The following CACNA2D4 variants were observed in gnomAD, a reference collection of about 807,000 sequenced individuals.
The protein encoded by CACNA2D4 is voltage-dependent calcium channel subunit alpha-2/delta-4.
In CACNA2D4, 157 loss-of-function variants were observed where a neutral mutation model predicts 163.8. The ratio of observed to expected loss-of-function variants is 0.96; its 90% CI spans 0.84 to 1.09. CACNA2D4 has a LOEUF of 1.09. Among genes scored for constraint, CACNA2D4 ranks in the 50% least tolerant of loss-of-function variants. The pLI is 0.00. For missense variants in CACNA2D4, 1,410 were observed against 1,479.9 expected (o/e 0.95, Z 0.78); for synonymous variants, 598 against 586.9 (o/e 1.02, Z -0.27).
rs139222170 is a variant in CACNA2D4, at chr12:1,843,358, T to A, written c.2470+1044A>T. ...GCTTGAGGATGGTTTGGCAAAGTGG[T>A]GGTGGAAGGCCTTTGGCAGAAGGGC... On this transcript the variant is annotated intron_variant, in intron 25 of 37. Coordinates refer to ENST00000382722, the MANE Select transcript of CACNA2D4 (RefSeq NM_172364.5). This position sits in a 1 kb window ranked among gnomAD's most constrained non-coding sequence, Gnocchi z 4.6. Among the ~76,000 whole-genome samples the A allele has an allele frequency of 6.6e-6, 1 of 152,236 alleles. No homozygotes were observed. The highest frequency in any genetic ancestry group is 1.9e-4 in the East Asian group (1 of 5,172).
intron 26 of CACNA2D4, chr12:1,830,963 T>A (rs1429024585): frequency 1.9e-6 from 3 of 1,612,288 alleles, no homozygotes; most frequent in Admixed American, 1.7e-5. Flanking sequence ...CCCTGTATGC[T>A]GTGGAGGCCC....
intron 29 of CACNA2D4, among the ~76,000 whole-genome samples, chr12:1,803,894 A>T (rs147315471): frequency 6.6e-6 from 1 of 152,324 alleles, no homozygotes; most frequent in Non-Finnish European, 1.5e-5. Context: ...GGTGGTGGAA[A>T]GGAGTGGCAA....
chr12:1,867,879 T>C (rs77215109), intron 18 of CACNA2D4, among the ~76,000 whole-genome samples: 546 of 152,236 alleles, frequency 3.6e-3, no homozygotes, highest in Non-Finnish European at 6.3e-3. Context: ...CTCAACATCA[T>C]TGATCATCAG....
At chr12:1,826,050 G>T (rs754289932) in intron 26 of CACNA2D4, among the ~76,000 whole-genome samples, 2 of 152,194 alleles carry the variant, frequency 1.3e-5, no homozygotes, top group African/African-American at 4.8e-5. Context: ...AGACTCCACA[G>T]GCCCGGGGTG....
chr12:1,848,533 C>T (rs1423349060), intron 23 of CACNA2D4, among the ~76,000 whole-genome samples: 4 of 152,048 alleles, frequency 2.6e-5, no homozygotes, highest in South Asian at 4.1e-4. Context: ...TATTTTTACC[C>T]GAAATATCTG....
At position 1,918,543 on chromosome 12, in the gene CACNA2D4, T is replaced by G; in HGVS notation, c.-70A>C. On this transcript the variant is annotated 5_prime_UTR_variant, in exon 1 of 38. Coordinates refer to ENST00000382722, the MANE Select transcript of CACNA2D4 (RefSeq NM_172364.5). ...TTTGTCTTCCGTGCCTTGGCGAGCCTGGGGTCTCCAGCCTCTCAGTCCTGG... is the reference window on the plus strand; with the variant it reads ...TTTGTCTTCCGTGCCTTGGCGAGCCGGGGGTCTCCAGCCTCTCAGTCCTGG... The G allele has an allele frequency of 1.6e-6, 2 of 1,242,344 alleles. No homozygotes were observed. The highest frequency in any genetic ancestry group is 2.4e-5 in the Admixed American group (1 of 42,108). The allele number at this position is 1,242,344 out of a possible 1,614,324, so 77.0% of individuals were successfully genotyped here.
chr12:1,826,786 G>C (rs1447028771), intron 26 of CACNA2D4, among the ~76,000 whole-genome samples: 1 of 152,224 alleles, frequency 6.6e-6, no homozygotes, highest in Non-Finnish European at 1.5e-5. Context: ...AGGGGCCGAG[G>C]GGACCAGAGG....
chr12:1,847,995 G>A lies in CACNA2D4; in HGVS notation c.2247-1306C>T, dbSNP rs79937913. Among the ~76,000 whole-genome samples the A allele has an allele frequency of 8.4e-3, 1,276 of 152,178 alleles. 15 individuals carry two copies. The highest frequency in any genetic ancestry group is 0.029 in the African/African-American group (1,196 of 41,466). ...GAATCAGAATCTGCCTAAGGCTCAC[G>A]CATGGCAACGGGTATCTCTTATTTG... On this transcript the variant is annotated intron_variant, in intron 23 of 37. Transcript: ENST00000382722.
rs1864751637 is a variant in CACNA2D4 at position 1,834,230 on chromosome 12, T to C, written c.2551+6509A>G. 1.3e-6 allele frequency: 2 copies of C among 1,521,680 alleles called. No homozygotes were observed. Among genetic ancestry groups the C allele is most frequent in the African/African-American group, 2.8e-5 (2 of 72,314 alleles). 94.3% of individuals were successfully genotyped at this position (1,521,680 alleles called of 1,614,324 possible). On this transcript the variant is annotated intron_variant, in intron 26 of 37. Coordinates refer to ENST00000382722, the MANE Select transcript of CACNA2D4 (RefSeq NM_172364.5). This position sits in a 1 kb window ranked among gnomAD's most constrained non-coding sequence, Gnocchi z 7.6. Reference sequence around the variant, plus strand: ...GGGGAGAGGGAGTGCAAGTTCTAGATGCCTGGTCAGCCCCTCTTTTTCTCT... The same window carrying C: ...GGGGAGAGGGAGTGCAAGTTCTAGACGCCTGGTCAGCCCCTCTTTTTCTCT...
chr12:1,852,681 C>T (rs1466191784), intron 23 of CACNA2D4, among the ~76,000 whole-genome samples: 1 of 152,162 alleles, frequency 6.6e-6, no homozygotes, highest in Non-Finnish European at 1.5e-5. Flanking sequence ...TATTTCTCCA[C>T]ATTAAAAATC....
Position 1,800,498 on chromosome 12 carries a change from C to CT in CACNA2D4, c.2869-61_2869-60insA, listed in dbSNP as rs142856742. ...GGTCCAAGGGTGAGGGTGCCCCCCC[C>CT]CCACCACCAGCACCACCCTCAGAGA... On this transcript the variant is annotated intron_variant, in intron 31 of 37. Transcript: ENST00000382722. 1.3e-4 allele frequency: 198 copies of CT among 1,537,958 alleles called. 1 individual carries two copies. In the African/African-American group the frequency reaches 2.5e-3, roughly 20 times the overall value.
chr12:1,831,980 G>C (rs954244090), intron 26 of CACNA2D4, among the ~76,000 whole-genome samples: 4 of 152,200 alleles, frequency 2.6e-5, no homozygotes, highest in African/African-American at 9.7e-5. Context: ...CCTTACATGA[G>C]AGGGGAATAG....
intron 23 of CACNA2D4, among the ~76,000 whole-genome samples, chr12:1,853,456 C>T (rs919344358): frequency 6.6e-6 from 1 of 152,118 alleles, no homozygotes; most frequent in African/African-American, 2.4e-5. Flanking sequence ...TATTCAGGAG[C>T]AAGGTATGAC....
rs1308133616 is a variant in CACNA2D4 at position 1,875,659 on chromosome 12, A to G, written c.1720-322T>C. Among the ~76,000 whole-genome samples, 3 of 152,090 alleles carry G rather than the reference A, an allele frequency of 2.0e-5. No individual in the cohort carries two copies. The highest frequency in any genetic ancestry group is 7.2e-5 in the African/African-American group (3 of 41,406). ...TCCTCCTCACACAAAGCTGAAATCC[A>G]TCTCCCTGTTACTTCCATCCACTGA... On this transcript the variant is annotated intron_variant, in intron 16 of 37. Transcript: ENST00000382722. This position sits in a 1 kb window ranked among gnomAD's most constrained non-coding sequence, Gnocchi z 4.0.
At chr12:1,807,441 C>T (rs1187133329) in intron 29 of CACNA2D4, among the ~76,000 whole-genome samples, 2 of 151,514 alleles carry the variant, frequency 1.3e-5, no homozygotes, top group East Asian at 2.0e-4. Flanking sequence ...GCTTGTAAGC[C>T]ACTCTTTTTG....
rs575121425 is a variant in CACNA2D4 at position 1,907,526 on chromosome 12, G to T, written c.695C>A (p.Ala232Asp). Residue 232 changes from alanine to aspartate, a missense_variant, in exon 6 of 38, where the codon GCT (alanine) becomes GAT (aspartate). Physicochemically the swap from Ala to Asp is moderately radical, Grantham distance 126. Coordinates refer to ENST00000382722, the MANE Select transcript of CACNA2D4 (RefSeq NM_172364.5). The part of the protein sequence containing the change: ...NGVYMSEALN[A>D]VFVENFQRDP... ...TCTCTGGAAGTTCTCCACGAAGACA[G>T]CATTCAAGGCTTCAGACATGTAGAC... The T allele has an allele frequency of 2.5e-5, 41 of 1,613,100 alleles. No homozygotes were observed. In the East Asian group the frequency reaches 8.7e-4, roughly 34 times the overall value.
At chr12:1,902,970 C>T (rs1366777480) in intron 6 of CACNA2D4, among the ~76,000 whole-genome samples, 1 of 152,026 alleles carries the variant, frequency 6.6e-6, no homozygotes, top group Non-Finnish European at 1.5e-5. Flanking sequence ...AATTATGCTA[C>T]AGAGCTATAG....
chr12:1,793,573 G>T lies in CACNA2D4; in HGVS notation c.*82C>A. On this transcript the variant is annotated 3_prime_UTR_variant, in exon 38 of 38. Transcript: ENST00000382722. ...CCTGGGGGCGACCCAACTGCAGTTA[G>T]CTGCATCCCATGTCAGTGCTGACTT... is the stretch of plus-strand genomic sequence containing the variant. 8.0e-7 allele frequency: 1 copy of T among 1,250,742 alleles called. No individual in the cohort carries two copies. Among genetic ancestry groups the T allele is most frequent in the East Asian group, 2.3e-5 (1 of 42,836 alleles). 77.5% of individuals were successfully genotyped at this position (1,250,742 alleles called of 1,614,324 possible).
chr12:1,843,275 A>G lies in CACNA2D4; in HGVS notation c.2470+1127T>C, dbSNP rs553536104. Among the ~76,000 whole-genome samples the G allele has an allele frequency of 6.6e-6, 1 of 151,870 alleles. No individual in the cohort carries two copies. Among genetic ancestry groups the G allele is most frequent in the African/African-American group, 2.4e-5 (1 of 41,354 alleles). On this transcript the variant is annotated intron_variant, in intron 25 of 37. Coordinates refer to ENST00000382722, the MANE Select transcript of CACNA2D4 (RefSeq NM_172364.5). This position sits in a 1 kb window ranked among gnomAD's most constrained non-coding sequence, Gnocchi z 4.6. Reference sequence around the variant, plus strand: ...CCTTCCCTGTCCTGGTCCCAGGAGGATCCCCGGGATCCTGGGCCTCCCCAG... The same window carrying G: ...CCTTCCCTGTCCTGGTCCCAGGAGGGTCCCCGGGATCCTGGGCCTCCCCAG...
Sources: allele counts gnomAD v4.1 joint callset (sites outside exome capture counted in the v4.1 genomes callset), GRCh38; gene constraint gnomAD v4.1.1; non-coding constraint Gnocchi (gnomAD v3.1); transcripts MANE v1.5; gene names NCBI Gene and HGNC (gene_info 2026-07-23, HGNC 2026-07-21).